The following RANBP2 variants were observed in gnomAD, a reference collection of about 807,000 sequenced individuals.
The protein encoded by RANBP2 is E3 SUMO-protein ligase RanBP2.
RANBP2 carries 57 observed loss-of-function variants against 303.6 expected under a neutral mutation model. The ratio of observed to expected loss-of-function variants is 0.19; its 90% CI spans 0.15 to 0.23. The LOEUF is 0.23. Among genes scored for constraint, RANBP2 ranks in the 10% least tolerant of loss-of-function variants. The pLI is 1.00. For missense variants in RANBP2, 3,138 were observed against 3,780.8 expected, an observed-to-expected ratio of 0.83 and a Z score of 4.46; for synonymous variants, 1,167 against 1,301.5, an observed-to-expected ratio of 0.90 and a Z score of 2.23.
chr2:109,432,755 T>C, the RANBP2 span: 1 of 1,491,100 alleles, frequency 6.7e-7, no homozygotes, highest in Non-Finnish European at 8.9e-7. Flanking sequence ...TGGAGGCTAC[T>C]CTGTCAGCCG....
the RANBP2 span, chr2:108,805,037 A>G: frequency 1.7e-6 from 2 of 1,211,788 alleles, no homozygotes; most frequent in African/African-American, 1.6e-5. Flanking sequence ...TATACTGAAC[A>G]TAAGACATTC....
the RANBP2 span, among the ~76,000 whole-genome samples, chr2:109,287,655 G>A: frequency 6.6e-6 from 1 of 152,178 alleles, no homozygotes; most frequent in Non-Finnish European, 1.5e-5. Context: ...TGTGAGATCA[G>A]GGTGTTCCCC....
chr2:109,148,087 C>T, the RANBP2 span, among the ~76,000 whole-genome samples: 1 of 152,164 alleles, frequency 6.6e-6, no homozygotes, highest in Non-Finnish European at 1.5e-5. Flanking sequence ...GACCATCTGG[C>T]TGGGCTGCCA....
At chr2:109,099,355 C>G in the RANBP2 span, among the ~76,000 whole-genome samples, 4 of 152,130 alleles carry the variant, frequency 2.6e-5, no homozygotes, top group Admixed American at 1.3e-4. Context: ...CTCTGTAAAC[C>G]AGCCAGATCC....
the RANBP2 span, among the ~76,000 whole-genome samples, chr2:109,464,325 A>G: frequency 2.6e-5 from 4 of 152,248 alleles, no homozygotes; most frequent in Non-Finnish European, 4.4e-5. Context: ...ACTCACGTAC[A>G]ATGTGAACAC....
the RANBP2 span, among the ~76,000 whole-genome samples, chr2:108,999,933 C>T: frequency 6.6e-6 from 1 of 152,078 alleles, no homozygotes; most frequent in Non-Finnish European, 1.5e-5. Flanking sequence ...TTAGTTCAGT[C>T]CCATCTTATG....
chr2:109,163,727 C>T, the RANBP2 span, among the ~76,000 whole-genome samples: 1 of 152,268 alleles, frequency 6.6e-6, no homozygotes, highest in East Asian at 1.9e-4. Context: ...GGAGACTTCA[C>T]GATTCCACAG....
At chr2:109,693,328 A>G in the RANBP2 span, among the ~76,000 whole-genome samples, 1 of 152,062 alleles carries the variant, frequency 6.6e-6, no homozygotes, top group Non-Finnish European at 1.5e-5. Flanking sequence ...GTGTGCCACC[A>G]TGCCCAGCTG....
chr2:109,719,097 CTT>C, the RANBP2 span, among the ~76,000 whole-genome samples: 6 of 121,008 alleles, frequency 5.0e-5, no homozygotes, highest in Admixed American at 1.0e-4. Context: ...TGAATTATAT[CTT>C]TTTTTTTTTT....
At chr2:109,088,167 G>A in the RANBP2 span, among the ~76,000 whole-genome samples, 2 of 152,048 alleles carry the variant, frequency 1.3e-5, no homozygotes, top group Non-Finnish European at 2.9e-5. Flanking sequence ...GGGAGGCCGA[G>A]GTGGGCGGAT....
At chr2:109,093,837 C>T in the RANBP2 span, among the ~76,000 whole-genome samples, 2 of 152,162 alleles carry the variant, frequency 1.3e-5, no homozygotes, top group Non-Finnish European at 2.9e-5. Context: ...AAGATAATTA[C>T]TAACAGCCTG....
chr2:109,535,846 G>A, the RANBP2 span, among the ~76,000 whole-genome samples: 1 of 152,178 alleles, frequency 6.6e-6, no homozygotes, highest in African/African-American at 2.4e-5. Context: ...ACGGAGCCAA[G>A]AGCCAAGGAC....
At chr2:109,384,497 G>T in the RANBP2 span, among the ~76,000 whole-genome samples, 1 of 152,084 alleles carries the variant, frequency 6.6e-6, no homozygotes, top group Admixed American at 6.5e-5. Context: ...CAGGTGGGAG[G>T]AGAGGGGTTG....
At chr2:108,864,270 C>G in the RANBP2 span, among the ~76,000 whole-genome samples, 1 of 152,006 alleles carries the variant, frequency 6.6e-6, no homozygotes, top group Non-Finnish European at 1.5e-5. Flanking sequence ...AGATGATGAA[C>G]ACGCTATTTT....
chr2:108,923,429 C>G, the RANBP2 span: 1 of 1,614,192 alleles, frequency 6.2e-7, no homozygotes, highest in Admixed American at 1.7e-5. Flanking sequence ...AGATGTTCCT[C>G]GGTCTGTTCT....
At chr2:108,958,613 GC>G in the RANBP2 span, among the ~76,000 whole-genome samples, 3 of 152,174 alleles carry the variant, frequency 2.0e-5, no homozygotes, top group Non-Finnish European at 4.4e-5. Flanking sequence ...GCTCGGGACA[GC>G]TAGCTCCCTT....
At position 108,763,820 on chromosome 2, in the gene RANBP2, G is replaced by A; in HGVS notation, c.3281G>A (p.Gly1094Glu). 1 of 1,614,000 alleles carries A rather than the reference G, an allele frequency of 6.2e-7. No individual in the cohort carries two copies. Among genetic ancestry groups the A allele is most frequent in the Non-Finnish European group, 8.5e-7 (1 of 1,179,978 alleles). Residue 1094 changes from glycine to glutamate, a missense_variant, in exon 20 of 29, where the codon GGG becomes GAG. By Grantham distance (98) the Gly-to-Glu change is moderately conservative. Transcript: ENST00000283195. ...AKPIPGGQTI[G>E]PRNTFNFGSK... ...CCAATTCCTGGTGGTCAAACCATTG[G>A]GCCTCGAAATACATTCAATTTTGGA...
At position 108,783,909 on chromosome 2, in the gene RANBP2, G is replaced by A; in HGVS notation, c.*8G>A. 1 of 1,602,600 alleles carries A rather than the reference G, an allele frequency of 6.2e-7. No individual in the cohort carries two copies. Among genetic ancestry groups the A allele is most frequent in the African/African-American group, 1.3e-5 (1 of 74,758 alleles). On this transcript the variant is annotated 3_prime_UTR_variant, in exon 29 of 29. Transcript: ENST00000283195. ...GAATGTGGACAGATATAAAATCATT[G>A]TTGTTCATAGAAAATTTCATCTGTA...
the RANBP2 span, among the ~76,000 whole-genome samples, chr2:109,457,849 A>G: frequency 6.6e-6 from 1 of 152,206 alleles, no homozygotes; most frequent in South Asian, 2.1e-4. Context: ...GGTAATGCCC[A>G]CACATCAGAC....
Sources: gnomAD v4.1 joint callset for allele counts (sites outside exome capture counted in the v4.1 genomes callset) on GRCh38, gnomAD v4.1.1 for gene constraint, MANE v1.5 for transcripts, NCBI Gene and HGNC (gene_info 2026-07-23, HGNC 2026-07-21) for gene names.